The following TRIM27 variants were observed in gnomAD, a reference collection of about 807,000 sequenced individuals.
TRIM27 encodes tripartite motif containing 27, also known as zinc finger protein RFP.
Under a neutral mutation model 57.6 loss-of-function variants are expected in TRIM27, and 12 were observed. The observed-to-expected ratio is 0.21, with a 90% CI of 0.13 to 0.34. The LOEUF (loss-of-function observed/expected upper bound fraction) is 0.34. Ranked by LOEUF, TRIM27 falls within the 10% of genes least tolerant of loss-of-function variation. The pLI is 1.00. For missense variants in TRIM27, 403 were observed against 656.8 expected, an observed-to-expected ratio of 0.61 and a Z score of 4.22; for synonymous variants, 266 against 259.0, an observed-to-expected ratio of 1.03 and a Z score of -0.26.
chr6:28,917,731 C>G (rs1773714997), intron 3 of TRIM27, among the ~76,000 whole-genome samples: 1 of 152,136 alleles, frequency 6.6e-6, no homozygotes, highest in South Asian at 2.1e-4. Context: ...AGAAGACTCT[C>G]TGACACTAAT....
At chr6:28,907,522 A>C in intron 6 of TRIM27, 1 of 678,928 alleles carries the variant, frequency 1.5e-6, no homozygotes, top group Non-Finnish European at 2.8e-6. Context: ...GATAAAACTG[A>C]GCCAAGATCA....
At position 28,922,056 on chromosome 6, in the gene TRIM27, T is replaced by C. The variant is rs180832846; in HGVS notation, c.421-69A>G. ...CTTAGCATCAGCATGGTACTTCTTATCACACATGGAGTCCACACACCTGAT... is the reference window on the plus strand; with the variant it reads ...CTTAGCATCAGCATGGTACTTCTTACCACACATGGAGTCCACACACCTGAT... On this transcript the variant is annotated intron_variant, in intron 1 of 7. Transcript: ENST00000377199. 412 of 1,187,056 alleles carry C rather than the reference T, an allele frequency of 3.5e-4. 2 individuals are homozygous for C. The African/African-American group carries it at 4.3e-3, about 12-fold the overall frequency. The allele number at this position is 1,187,056 out of a possible 1,614,324, so 73.5% of individuals were successfully genotyped here.
chr6:28,923,761 C>T lies in TRIM27; in HGVS notation c.-129G>A. 3 of 1,082,670 alleles carry T rather than the reference C, an allele frequency of 2.8e-6. No homozygotes were observed. The highest frequency in any genetic ancestry group is 3.8e-6 in the Non-Finnish European group (3 of 783,334). The allele number at this position is 1,082,670 out of a possible 1,614,324, so 67.1% of individuals were successfully genotyped here. A position where few individuals can be genotyped will look rare whatever the true frequency, so the allele number is the denominator to read the frequency against. On this transcript the variant is annotated 5_prime_UTR_variant, in exon 1 of 8. Transcript: ENST00000377199. ...CGGGCGGACGGAGGGCGGCGCCTCC[C>T]GGGCCCGTATCCCAGACGCGCCCGC...
intron 3 of TRIM27, among the ~76,000 whole-genome samples, chr6:28,916,492 C>T (rs1581507835): frequency 6.6e-6 from 1 of 150,892 alleles, no homozygotes; most frequent in Non-Finnish European, 1.5e-5. Context: ...GCGGAGGTTG[C>T]GGTGAGCGGA....
At chr6:28,906,980 T>C in intron 7 of TRIM27, 2 of 481,212 alleles carry the variant, frequency 4.2e-6, no homozygotes, top group Non-Finnish European at 7.4e-6. Context: ...GGAACTGCGG[T>C]TTCCACCCTA....
chr6:28,918,118 GC>G (rs1327664998), intron 3 of TRIM27, among the ~76,000 whole-genome samples: 1 of 152,088 alleles, frequency 6.6e-6, no homozygotes, highest in African/African-American at 2.4e-5. Flanking sequence ...GAGCCACCGT[GC>G]CCGGCCAGTA....
intron 2 of TRIM27, among the ~76,000 whole-genome samples, chr6:28,920,653 CA>C (rs1316959579): frequency 2.0e-5 from 3 of 152,084 alleles, no homozygotes; most frequent in African/African-American, 7.2e-5. Flanking sequence ...ATGGCACAGG[CA>C]AAAGAGTGGG....
chr6:28,908,352 C>G (rs1772931125), intron 6 of TRIM27: 1 of 165,318 alleles, frequency 6.0e-6, no homozygotes, highest in African/African-American at 2.4e-5. Flanking sequence ...CAGCCTGACT[C>G]CTGACTGCCC....
rs776100293 is a variant in TRIM27, at chr6:28,907,243, T to C, written c.939A>G (p.Leu313=). The C allele has an allele frequency of 6.2e-7, 1 of 1,611,460 alleles. No homozygotes were observed. Among genetic ancestry groups the C allele is most frequent in the East Asian group, 2.2e-5 (1 of 44,868 alleles). Residue 313 remains leucine (L), a synonymous_variant, in exon 7 of 8, where the codon TTA becomes TTG. Transcript: ENST00000377199. ...EKIQELREAQ[L]YSVDVTLDPD... ...TTGTCTCTCATCACCTACCTGAGTA[T>C]AACTGAGCCTCTCTTAATTCTGAAA...
At chr6:28,919,952 A>G (rs910384452) in intron 3 of TRIM27, 60 bp downstream of exon 3, 20 of 1,515,586 alleles carry the variant, frequency 1.3e-5, no homozygotes, top group Non-Finnish European at 1.8e-5. Flanking sequence ...ACTACTTGGC[A>G]AAGGAGAAGG....
At chr6:28,916,530 C>T (rs1457982004) in intron 3 of TRIM27, among the ~76,000 whole-genome samples, 1 of 147,236 alleles carries the variant, frequency 6.8e-6, no homozygotes, top group Non-Finnish European at 1.5e-5. Context: ...CCAGCCTGGG[C>T]AACAAGAGTG....
intron 3 of TRIM27, among the ~76,000 whole-genome samples, chr6:28,912,832 G>A (rs1030828139): frequency 3.3e-5 from 5 of 152,034 alleles, no homozygotes; most frequent in African/African-American, 1.2e-4. Context: ...TATTTTGGGG[G>A]TGCATGCGAT....
At chr6:28,914,709 A>C (rs973389088) in intron 3 of TRIM27, 6 of 151,904 alleles carry the variant, frequency 3.9e-5, no homozygotes, top group Non-Finnish European at 8.8e-5. Flanking sequence ...AAAAAAAAAG[A>C]AACTGCATTT....
At chr6:28,917,897 G>A (rs2150485069) in intron 3 of TRIM27, among the ~76,000 whole-genome samples, 1 of 151,738 alleles carries the variant, frequency 6.6e-6, no homozygotes, top group East Asian at 2.0e-4. Context: ...CGCAATCTCG[G>A]CTCACTGCAA....
chr6:28,911,481 C>T lies in TRIM27; in HGVS notation c.770+215G>A, dbSNP rs146951697. 128 of 543,812 alleles carry T rather than the reference C, an allele frequency of 2.4e-4. No homozygotes were observed. In the Middle Eastern group the frequency reaches 2.7e-3, roughly 12 times the overall value. 33.7% of individuals were successfully genotyped at this position (543,812 alleles called of 1,614,324 possible). Reference sequence around the variant, plus strand: ...AAGTGTCCTCATACCCCTAATCCACCGGCAGCCTCCCACATGAACCCCCTA... The same window carrying T: ...AAGTGTCCTCATACCCCTAATCCACTGGCAGCCTCCCACATGAACCCCCTA... On this transcript the variant is annotated intron_variant, in intron 4 of 7. Transcript: ENST00000377199.
At position 28,904,477 on chromosome 6, in the gene TRIM27, C is replaced by T. The variant is rs761287371; in HGVS notation, c.1135G>A (p.Asp379Asn). Residue 379 changes from aspartate (D) to asparagine (N), a missense_variant, in exon 8 of 8, where the codon GAT becomes AAT. Asp to Asn is a conservative substitution (Grantham distance 23, BLOSUM62 1). Coordinates refer to ENST00000377199, the MANE Select transcript of TRIM27 (RefSeq NM_006510.5). The surrounding 1 kb of genome is among the most constrained non-coding windows in gnomAD (Gnocchi z 6.1). ...ACACCTATGGTCCACTTGGCTTTAT[C>T]TCCCACCTCTACCTCCCAATAATGT... ...GRHYWEVEVG[D>N]KAKWTIGVCE... is the part of the protein sequence containing the mutation. 13 of 1,612,936 alleles carry T rather than the reference C, an allele frequency of 8.1e-6. No individual in the cohort carries two copies. In the African/African-American group the frequency reaches 1.3e-4, roughly 17 times the overall value.
chr6:28,921,882 C>G lies in TRIM27; in HGVS notation c.516+10G>C, dbSNP rs773550369. 2 of 1,609,056 alleles carry G rather than the reference C, an allele frequency of 1.2e-6. No individual in the cohort carries two copies. Among genetic ancestry groups the G allele is most frequent in the Non-Finnish European group, 1.7e-6 (2 of 1,176,478 alleles). On this transcript the variant is annotated intron_variant, in intron 2 of 7. Transcript: ENST00000377199. Reference sequence around the variant, plus strand: ...CAGCAGAACCAACTGTGAATTCCAACAACCCTTACCAAGAGTTCAGCTCGT... The same window carrying G: ...CAGCAGAACCAACTGTGAATTCCAAGAACCCTTACCAAGAGTTCAGCTCGT...
intron 1 of TRIM27, 25 bp from the exon 2 acceptor site, chr6:28,922,012 A>G (rs370402629): frequency 6.4e-7 from 1 of 1,562,020 alleles, no homozygotes; most frequent in Non-Finnish European, 8.8e-7. Flanking sequence ...ACAGATGGGC[A>G]GTTCAAAATT....
intron 6 of TRIM27, chr6:28,907,706 T>C (rs1772872962): frequency 4.8e-6 from 2 of 416,238 alleles, no homozygotes; most frequent in South Asian, 3.9e-5. Flanking sequence ...TAAGGCACTT[T>C]ATAGTTGAAA....
Sources: gnomAD v4.1 joint callset for allele counts (sites outside exome capture counted in the v4.1 genomes callset) on GRCh38, gnomAD v4.1.1 for gene constraint, Gnocchi (gnomAD v3.1) non-coding constraint, MANE v1.5 for transcripts, NCBI Gene and HGNC (gene_info 2026-07-23, HGNC 2026-07-21) for gene names.